Variants in HNRNPC observed in about 807,000 individuals in gnomAD.
HNRNPC encodes heterogeneous nuclear ribonucleoproteins C1/C2.
A neutral mutation model predicts 33.2 loss-of-function variants in HNRNPC; 3 were observed. The ratio of observed to expected loss-of-function variants is 0.09; its 90% CI spans 0.04 to 0.23. The LOEUF is 0.23. HNRNPC is among the 10% of genes least tolerant of loss of function. The probability of loss-of-function intolerance (pLI) is 1.00; values close to 1 mark genes in which losing one functional copy is unlikely to be tolerated. For synonymous variants in HNRNPC, 121 were observed against 126.7 expected (o/e 0.96, Z 0.30); for missense variants, 143 against 366.7 (o/e 0.39, Z 4.98).
At chr14:21,243,844 G>A (rs1895641812) in intron 2 of HNRNPC, among the ~76,000 whole-genome samples, 1 of 151,978 alleles carries the variant, frequency 6.6e-6, no homozygotes, top group Non-Finnish European at 1.5e-5. Context: ...TTACTGACTG[G>A]AAAACATCTA....
chr14:21,218,677 CTCTCAAAAAAA>C (rs1176204834), intron 5 of HNRNPC, among the ~76,000 whole-genome samples: 43 of 45,570 alleles, frequency 9.4e-4, no homozygotes, highest in Admixed American at 1.6e-3. Context: ...GCGAAACTCT[CTCTCAAAAAAA>C]AAAAAAAAAA....
chr14:21,221,481 T>G (rs1158472028), intron 5 of HNRNPC, among the ~76,000 whole-genome samples: 1 of 152,208 alleles, frequency 6.6e-6, no homozygotes, highest in Non-Finnish European at 1.5e-5. Context: ...CGCTTATATG[T>G]AATTACCAGA....
intron 1 of HNRNPC, chr14:21,263,801 T>C (rs963413752): frequency 6.6e-6 from 1 of 151,944 alleles, no homozygotes; most frequent in Non-Finnish European, 1.5e-5. Flanking sequence ...TGAGCTCCAG[T>C]GAGTAGGGAT....
At chr14:21,244,433 TCCC>T (rs1895717458) in intron 2 of HNRNPC, among the ~76,000 whole-genome samples, 2 of 152,214 alleles carry the variant, frequency 1.3e-5, no homozygotes, top group East Asian at 1.9e-4. Flanking sequence ...TCATTTAATT[TCCC>T]CCGAGGTCCC....
At chr14:21,237,449 C>T (rs1023584158) in intron 2 of HNRNPC, among the ~76,000 whole-genome samples, 4 of 152,216 alleles carry the variant, frequency 2.6e-5, no homozygotes, top group South Asian at 2.1e-4. Context: ...TTGATACTCT[C>T]AGAACAATTC....
intron 5 of HNRNPC, among the ~76,000 whole-genome samples, chr14:21,217,201 T>C (rs1369829275): frequency 6.6e-6 from 1 of 152,226 alleles, no homozygotes; most frequent in African/African-American, 2.4e-5. Context: ...GTTCGTAACA[T>C]AGTTGGAATT....
At chr14:21,251,657 G>T (rs531376253) in intron 2 of HNRNPC, among the ~76,000 whole-genome samples, 1 of 152,162 alleles carries the variant, frequency 6.6e-6, no homozygotes, top group East Asian at 1.9e-4. Context: ...ACTCCAGCCT[G>T]GGCAACAGAG....
intron 2 of HNRNPC, among the ~76,000 whole-genome samples, chr14:21,245,750 AAAACTAAGACAT>A (rs1895912747): frequency 6.6e-6 from 1 of 152,194 alleles, no homozygotes; most frequent in African/African-American, 2.4e-5. Context: ...TTACTTTGAA[AAAACTAAGACAT>A]AAACATTAGC....
At chr14:21,254,890 C>T (rs910208462) in intron 2 of HNRNPC, among the ~76,000 whole-genome samples, 5 of 150,624 alleles carry the variant, frequency 3.3e-5, no homozygotes, top group Non-Finnish European at 5.9e-5. Context: ...CCATTGCACT[C>T]CAGCCTGGGC....
intron 5 of HNRNPC, among the ~76,000 whole-genome samples, chr14:21,225,266 CA>C (rs1356682986): frequency 2.8e-3 from 378 of 135,932 alleles, no homozygotes; most frequent in African/African-American, 2.3e-3. Context: ...ACTAACAATA[CA>C]AAAAAAAAAA....
At chr14:21,218,700 A>AAC (rs1892494902) in intron 5 of HNRNPC, among the ~76,000 whole-genome samples, 1 of 149,180 alleles carries the variant, frequency 6.7e-6, no homozygotes, top group Non-Finnish European at 1.5e-5. Context: ...AAAAAAAAAA[A>AAC]AAAAAAAACT....
intron 2 of HNRNPC, among the ~76,000 whole-genome samples, chr14:21,241,206 C>G (rs1895296228): frequency 6.7e-6 from 1 of 149,212 alleles, no homozygotes; most frequent in Non-Finnish European, 1.5e-5. Context: ...TTGTAGTAAG[C>G]CGAGATTGCA....
At chr14:21,217,940 TCA>T (rs1892371807) in intron 5 of HNRNPC, among the ~76,000 whole-genome samples, 1 of 152,162 alleles carries the variant, frequency 6.6e-6, no homozygotes, top group Non-Finnish European at 1.5e-5. Context: ...GAAAACTTTC[TCA>T]GTCAAAAAGA....
rs1235702174 is a variant in HNRNPC, at chr14:21,209,629, CCT to C, written c.*1592_*1593del. ...TCTTCATTCTTTTCTGCTTTTGTCA[CCT>C]GTTACAGAAAATGATCTATAAAATC... On this transcript the variant is annotated 3_prime_UTR_variant, in exon 9 of 9. Coordinates refer to ENST00000553300, the MANE Select transcript of HNRNPC (RefSeq NM_004500.4). 1 of 152,124 alleles carries C rather than the reference CCT, an allele frequency of 6.6e-6. No individual in the cohort carries two copies. Among genetic ancestry groups the C allele is most frequent in the Non-Finnish European group, 1.5e-5 (1 of 68,026 alleles). 9.4% of individuals were successfully genotyped at this position (152,124 alleles called of 1,614,324 possible). A position where few individuals can be genotyped will look rare whatever the true frequency, so the allele number is the denominator to read the frequency against.
In HNRNPC at chr14:21,211,445, T is replaced by G; in HGVS notation, c.759A>C (p.Leu253=). Residue 253 remains leucine (L), a synonymous_variant, in exon 8 of 9, where the codon CTA becomes CTC. Coordinates refer to ENST00000553300, the MANE Select transcript of HNRNPC (RefSeq NM_004500.4). ...GADDSAEEGD[L]LDDDDNEDRG... is the part of the protein sequence containing the mutation. Reference sequence around the variant, plus strand: ...GATCTTCATTATCATCATCATCCAGTAGGTCCCCCTCCTCAGCAGAGTCAT... The same window carrying G: ...GATCTTCATTATCATCATCATCCAGGAGGTCCCCCTCCTCAGCAGAGTCAT... 6.4e-7 allele frequency: 1 copy of G among 1,564,456 alleles called. No individual in the cohort carries two copies. Among genetic ancestry groups the G allele is most frequent in the Non-Finnish European group, 8.7e-7 (1 of 1,151,028 alleles).
chr14:21,222,647 C>T (rs2139555581), intron 5 of HNRNPC, among the ~76,000 whole-genome samples: 1 of 152,124 alleles, frequency 6.6e-6, no homozygotes, highest in South Asian at 2.1e-4. Flanking sequence ...AATCCCAGCA[C>T]TTTGGGAGGC....
At chr14:21,233,815 A>C in intron 3 of HNRNPC, 138 bp downstream of exon 3, 1 of 1,054,924 alleles carries the variant, frequency 9.5e-7, no homozygotes, top group Non-Finnish European at 1.4e-6. Flanking sequence ...TATAAGCCTA[A>C]TGTATTTTTA....
At chr14:21,243,876 ATAATAATTAC>A (rs1262415180) in intron 2 of HNRNPC, among the ~76,000 whole-genome samples, 1 of 152,232 alleles carries the variant, frequency 6.6e-6, no homozygotes, top group East Asian at 1.9e-4. Flanking sequence ...TTCTAACACT[ATAATAATTAC>A]ATATTAGTAA....
At chr14:21,232,505 G>C (rs956308090) in intron 3 of HNRNPC, among the ~76,000 whole-genome samples, 2 of 151,908 alleles carry the variant, frequency 1.3e-5, no homozygotes, top group Non-Finnish European at 2.9e-5. Flanking sequence ...GAGCGGCTGG[G>C]ATTACCGGTA....
Sources: gnomAD v4.1 joint callset for allele counts (sites outside exome capture counted in the v4.1 genomes callset) on GRCh38, gnomAD v4.1.1 for gene constraint, MANE v1.5 for transcripts, NCBI Gene and HGNC (gene_info 2026-07-23, HGNC 2026-07-21) for gene names.